The following EWSR1 variants were observed in gnomAD, a reference collection of about 807,000 sequenced individuals.
EWSR1 encodes the protein RNA-binding protein EWS.
A neutral mutation model predicts 92.1 loss-of-function variants in EWSR1; 14 were observed. The ratio of observed to expected loss-of-function variants is 0.15; its 90% CI spans 0.10 to 0.24. The LOEUF is 0.24. Ranked by LOEUF, EWSR1 falls within the 10% of genes least tolerant of loss-of-function variation. EWSR1 has a pLI of 1.00. For synonymous variants in EWSR1, 303 were observed against 292.9 expected (o/e 1.03, Z -0.35); for missense variants, 637 against 870.9 (o/e 0.73, Z 3.38).
At chr22:29,282,358 T>A (rs2059676295) in intron 5 of EWSR1, 32 bp from the exon 6 acceptor site, 1 of 1,508,094 alleles carries the variant, frequency 6.6e-7, no homozygotes, top group Non-Finnish European at 8.8e-7. Flanking sequence ...AAAAAGTCAC[T>A]TTTTAATTTT....
In EWSR1 at chr22:29,300,274, C is replaced by A; in HGVS notation, c.*113C>A. On this transcript the variant is annotated 3_prime_UTR_variant, in exon 17 of 17. Transcript: ENST00000397938. ...TGTTGGCCACAACATTATGATTATTCCTTGTCTGTACTTTAGTATTTTTCA... is the reference window on the plus strand; with the variant it reads ...TGTTGGCCACAACATTATGATTATTACTTGTCTGTACTTTAGTATTTTTCA... 2.0e-6 allele frequency: 2 copies of A among 1,022,712 alleles called. No individual in the cohort carries two copies. Among genetic ancestry groups the A allele is most frequent in the South Asian group, 2.9e-5 (2 of 69,018 alleles). The allele number at this position is 1,022,712 out of a possible 1,614,324, so 63.4% of individuals were successfully genotyped here. A position where few individuals can be genotyped will look rare whatever the true frequency, so the allele number is the denominator to read the frequency against.
At chr22:29,282,265 C>G in intron 5 of EWSR1, 125 bp from the exon 6 acceptor site, 1 of 711,324 alleles carries the variant, frequency 1.4e-6, no homozygotes, top group Non-Finnish European at 2.2e-6. Flanking sequence ...GTATTTATTT[C>G]CAGGCTTAAT....
chr22:29,292,244 G>T lies in EWSR1; in HGVS notation c.1045+75G>T, dbSNP rs559200820. On this transcript the variant is annotated intron_variant, in intron 10 of 16. Coordinates refer to ENST00000397938, the MANE Select transcript of EWSR1 (RefSeq NM_005243.4). ...GTACAGAGGTAAATGCATGCGTAGA[G>T]TTCAGCAGCCTTATAGACCAGTGTG... 7 of 1,403,810 alleles carry T rather than the reference G, an allele frequency of 5.0e-6. No individual in the cohort carries two copies. In the East Asian group the frequency reaches 1.6e-4, roughly 32 times the overall value. 87.0% of individuals were successfully genotyped at this position (1,403,810 alleles called of 1,614,324 possible).
chr22:29,290,710 C>A, intron 8 of EWSR1: 2 of 1,288,014 alleles, frequency 1.6e-6, no homozygotes, highest in South Asian at 2.6e-5. Context: ...ATGGTGTGTA[C>A]TTTTAAAAAG....
At chr22:29,268,795 AG>A (rs1179143177) in intron 1 of EWSR1, among the ~76,000 whole-genome samples, 1 of 152,226 alleles carries the variant, frequency 6.6e-6, no homozygotes, top group African/African-American at 2.4e-5. Flanking sequence ...GGGTTTCCTG[AG>A]AAACCAGGGG....
At chr22:29,281,110 A>C (rs2059565979) in intron 5 of EWSR1, among the ~76,000 whole-genome samples, 1 of 151,226 alleles carries the variant, frequency 6.6e-6, no homozygotes, top group Non-Finnish European at 1.5e-5. Flanking sequence ...CGATCTCCTG[A>C]CCTCGTGATC....
chr22:29,295,152 G>A (rs1261933134), intron 11 of EWSR1, among the ~76,000 whole-genome samples: 2 of 151,900 alleles, frequency 1.3e-5, no homozygotes, highest in Non-Finnish European at 2.9e-5. Flanking sequence ...TGCAACCTCC[G>A]CCTCCTGGGT....
At chr22:29,268,406 G>T in intron 1 of EWSR1, 57 bp downstream of exon 1, 1 of 1,613,664 alleles carries the variant, frequency 6.2e-7, no homozygotes, top group Non-Finnish European at 8.5e-7. Flanking sequence ...CAAACTGGGG[G>T]TCGTTCGTCT....
chr22:29,273,999 G>A, intron 4 of EWSR1, 135 bp downstream of exon 4: 1 of 1,191,596 alleles, frequency 8.4e-7, no homozygotes, highest in Non-Finnish European at 1.2e-6. Flanking sequence ...TTAGGAAGAG[G>A]TATTTTTTCT....
At chr22:29,273,422 CTTG>C (rs1168523115) in intron 3 of EWSR1, among the ~76,000 whole-genome samples, 1 of 152,164 alleles carries the variant, frequency 6.6e-6, no homozygotes, top group Non-Finnish European at 1.5e-5. Flanking sequence ...TTGAGAGTGT[CTTG>C]TTAATCTCAT....
At position 29,292,444 on chromosome 22, in the gene EWSR1, A is replaced by G. The variant is rs1303672433; in HGVS notation, c.1046-44A>G. Reference sequence around the variant, plus strand: ...GTGATCAGGTAGTTAAGAAACCCCTATAGATACATGATAATAATTCTCCTG... The same window carrying G: ...GTGATCAGGTAGTTAAGAAACCCCTGTAGATACATGATAATAATTCTCCTG... On this transcript the variant is annotated intron_variant, in intron 10 of 16. Coordinates refer to ENST00000397938, the MANE Select transcript of EWSR1 (RefSeq NM_005243.4). 48 of 1,332,452 alleles carry G rather than the reference A, an allele frequency of 3.6e-5. No individual in the cohort carries two copies. In the Admixed American group the frequency reaches 7.3e-4, roughly 20 times the overall value. The allele number at this position is 1,332,452 out of a possible 1,614,324, so 82.5% of individuals were successfully genotyped here.
intron 4 of EWSR1, chr22:29,276,051 G>A (rs2059094700): frequency 4.4e-6 from 1 of 229,088 alleles, no homozygotes; most frequent in South Asian, 1.8e-4. Flanking sequence ...AGTGTCTATT[G>A]CTGTAATCTT....
intron 15 of EWSR1, 62 bp from the exon 16 acceptor site, chr22:29,299,537 A>ACT (rs2061172715): frequency 6.6e-7 from 1 of 1,525,344 alleles, no homozygotes; most frequent in African/African-American, 1.4e-5. Context: ...CAGCTTCCAC[A>ACT]GTGTCCACAG....
intron 4 of EWSR1, 70 bp downstream of exon 4, chr22:29,273,934 T>C: frequency 1.3e-6 from 2 of 1,580,670 alleles, no homozygotes; most frequent in East Asian, 2.2e-5. Flanking sequence ...TTATTAGTCA[T>C]GCTTTCGGAT....
At chr22:29,285,860 C>T (rs917212753) in intron 6 of EWSR1, among the ~76,000 whole-genome samples, 4 of 151,690 alleles carry the variant, frequency 2.6e-5, no homozygotes, top group Admixed American at 1.3e-4. Context: ...TCTTTTGAGA[C>T]GGAGTCTCGC....
chr22:29,281,578 T>A (rs1406081824), intron 5 of EWSR1, among the ~76,000 whole-genome samples: 1 of 152,126 alleles, frequency 6.6e-6, no homozygotes, highest in Non-Finnish European at 1.5e-5. Context: ...GTGCTGGGAT[T>A]TTTTTTGTTT....
At chr22:29,274,129 T>TA (rs2058916196) in intron 4 of EWSR1, 1 of 994,096 alleles carries the variant, frequency 1.0e-6, no homozygotes, top group Non-Finnish European at 1.6e-6. Flanking sequence ...GGAGACTATG[T>TA]AAAAGATTTT....
intron 10 of EWSR1, 77 bp from the exon 11 acceptor site, chr22:29,292,411 G>C (rs2060504181): frequency 1.0e-6 from 1 of 992,688 alleles, no homozygotes; most frequent in Admixed American, 1.8e-5. Flanking sequence ...GAATATCCTT[G>C]GGCAGTAGTG....
intron 1 of EWSR1, among the ~76,000 whole-genome samples, chr22:29,268,821 G>C (rs1372646891): frequency 6.6e-6 from 1 of 152,252 alleles, no homozygotes; most frequent in Non-Finnish European, 1.5e-5. Context: ...AGCAAATAAA[G>C]ATACCGTGGA....
Sources: allele counts gnomAD v4.1 joint callset (sites outside exome capture counted in the v4.1 genomes callset), GRCh38; gene constraint gnomAD v4.1.1; transcripts MANE v1.5; gene names NCBI Gene and HGNC (gene_info 2026-07-23, HGNC 2026-07-21).